The following DLGAP4 variants were observed in gnomAD, a reference collection of about 807,000 sequenced individuals.
DLGAP4 encodes disks large-associated protein 4.
Under a neutral mutation model 86.9 loss-of-function variants are expected in DLGAP4, and 18 were observed. The observed-to-expected ratio is 0.21, with a 90% CI of 0.14 to 0.31. The LOEUF is 0.31. Among genes scored for constraint, DLGAP4 ranks in the 10% least tolerant of loss-of-function variants. DLGAP4 has a pLI of 1.00. For missense variants in DLGAP4, 1,085 were observed against 1,362.6 expected, an observed-to-expected ratio of 0.80 and a Z score of 3.21; for synonymous variants, 548 against 574.3, an observed-to-expected ratio of 0.95 and a Z score of 0.65.
chr20:36,500,299 C>G lies in DLGAP4; in HGVS notation c.2200C>G (p.Pro734Ala). Residue 734 changes from proline (P) to alanine (A), a missense_variant, in exon 10 of 13, where the codon CCG becomes GCG. Transcript: ENST00000339266. The surrounding 1 kb of genome is among the most constrained non-coding windows in gnomAD (Gnocchi z 4.6). The stretch of plus-strand genomic sequence containing the variant: ...CTGTAAGTCATCTGAGAGGAGCCTC[C>G]CGGACTGTACCCCTCACCCCAACTC... ...SSCKSSERSL[P>A]DCTPHPNSIS... 1 of 1,613,984 alleles carries G rather than the reference C, an allele frequency of 6.2e-7. No individual in the cohort carries two copies. Among genetic ancestry groups the G allele is most frequent in the African/African-American group, 1.3e-5 (1 of 75,068 alleles).
rs144633923 is a variant in DLGAP4, at chr20:36,526,977, C to G, written c.2925C>G (p.Thr975=). ...RAASVRQNSA[T]ESADSIEIYV... ...CTTCTGTGCGGCAGAACTCAGCCAC[C>G]GAGAGCGCAGACAGCATCGAGATTT... Residue 975 remains threonine (T), a synonymous_variant, in exon 13 of 13, where the codon ACC becomes ACG. Coordinates refer to ENST00000339266, the MANE Select transcript of DLGAP4 (RefSeq NM_001365621.2). The G allele has an allele frequency of 2.0e-5, 33 of 1,613,564 alleles. No homozygotes were observed. The South Asian group carries it at 3.2e-4, about 16-fold the overall frequency.
rs989438384 is a variant in DLGAP4, at chr20:36,476,085, C to G, written c.1649-20620C>G. 1.3e-5 allele frequency among the ~76,000 whole-genome samples: 2 copies of G among 152,088 alleles called. 1 individual carries two copies. Among genetic ancestry groups the G allele is most frequent in the African/African-American group, 4.8e-5 (2 of 41,470 alleles). On this transcript the variant is annotated intron_variant, in intron 7 of 12. Coordinates refer to ENST00000339266, the MANE Select transcript of DLGAP4 (RefSeq NM_001365621.2). ...TGTTGGCCAGGCTGGTCTCAAACTC[C>G]TGAGCTCAGGTGATCCACCTGCCTT... is the stretch of plus-strand genomic sequence containing the variant.
At chr20:36,383,818 A>G (rs2031490011) in intron 2 of DLGAP4, among the ~76,000 whole-genome samples, 1 of 152,004 alleles carries the variant, frequency 6.6e-6, no homozygotes, top group Non-Finnish European at 1.5e-5. Context: ...TACTAAAAAT[A>G]CAAAAAATTA....
At position 36,527,048 on chromosome 20, in the gene DLGAP4, A is replaced by AGAAAC. The variant is rs1233576180; in HGVS notation, c.*20_*24dup. The AGAAAC allele has an allele frequency of 2.7e-5, 42 of 1,569,018 alleles. No individual in the cohort carries two copies. The highest frequency in any genetic ancestry group is 3.5e-5 in the Non-Finnish European group (40 of 1,158,572). On this transcript the variant is annotated 3_prime_UTR_variant, in exon 13 of 13. Transcript: ENST00000339266. ...AGGCTCTGAGACCATGCAGGAGGAA[A>AGAAAC]GAAACGATTTTAAATCATTAAAAAC...
intron 2 of DLGAP4, among the ~76,000 whole-genome samples, chr20:36,396,244 C>T (rs1239826074): frequency 1.3e-5 from 2 of 150,472 alleles, no homozygotes; most frequent in Non-Finnish European, 3.0e-5. Context: ...GTTACTTGAC[C>T]GGCTTGAGAC....
At chr20:36,329,877 A>G (rs2065250452) in intron 1 of DLGAP4, among the ~76,000 whole-genome samples, 1 of 152,206 alleles carries the variant, frequency 6.6e-6, no homozygotes, top group Non-Finnish European at 1.5e-5. Context: ...CTGAAAATAC[A>G]AAAATTAGCC....
At chr20:36,418,110 C>CGT (rs1205854857) in intron 2 of DLGAP4, among the ~76,000 whole-genome samples, 1 of 147,282 alleles carries the variant, frequency 6.8e-6, no homozygotes, top group Non-Finnish European at 1.5e-5. Flanking sequence ...TGTGTGCGCG[C>CGT]ATATGTGTGT....
intron 5 of DLGAP4, among the ~76,000 whole-genome samples, chr20:36,440,507 AC>A (rs2033417063): frequency 6.6e-6 from 1 of 151,934 alleles, no homozygotes. Context: ...TTTGCATGCC[AC>A]CCTCTCAACC....
chr20:36,345,744 C>T (rs919750966), intron 1 of DLGAP4, among the ~76,000 whole-genome samples: 3 of 152,076 alleles, frequency 2.0e-5, no homozygotes, highest in African/African-American at 4.8e-5. Flanking sequence ...TCAGGGGCTG[C>T]CTCCTCCTGA....
intron 2 of DLGAP4, among the ~76,000 whole-genome samples, chr20:36,408,439 T>A (rs886494900): frequency 6.6e-6 from 1 of 152,190 alleles, no homozygotes; most frequent in Non-Finnish European, 1.5e-5. Context: ...TGAGGGCTGC[T>A]TCCGCGGGCA....
Position 36,358,189 on chromosome 20 carries a change from C to T in DLGAP4, c.-303-8856C>T, listed in dbSNP as rs550207505. 3.7e-4 allele frequency among the ~76,000 whole-genome samples: 57 copies of T among 152,342 alleles called. No homozygotes were observed. In the Middle Eastern group the frequency reaches 0.017, roughly 45 times the overall value. On this transcript the variant is annotated intron_variant, in intron 1 of 12. Transcript: ENST00000339266. ...AAACCAGTCAAGGCCCGACCTCCCC[C>T]ATGGGGCCACAGTGAGGCACGCATG...
chr20:36,520,026 G>T (rs1455692502), intron 10 of DLGAP4, among the ~76,000 whole-genome samples: 1 of 151,188 alleles, frequency 6.6e-6, no homozygotes, highest in Non-Finnish European at 1.5e-5. Flanking sequence ...GAACTCCCAG[G>T]CTCAAGTGGT....
intron 7 of DLGAP4, chr20:36,462,137 C>A: frequency 9.8e-7 from 1 of 1,021,066 alleles, no homozygotes; most frequent in Non-Finnish European, 1.2e-6. Flanking sequence ...GGCTTTCCCT[C>A]TTCTGGGTGT....
intron 1 of DLGAP4, among the ~76,000 whole-genome samples, chr20:36,312,026 C>G (rs977233076): frequency 5.3e-5 from 8 of 152,162 alleles, no homozygotes; most frequent in Non-Finnish European, 1.2e-4. Flanking sequence ...AGCCTTGGGA[C>G]CACCCTTGGA....
At chr20:36,358,781 C>T (rs548401198) in intron 1 of DLGAP4, among the ~76,000 whole-genome samples, 3 of 152,070 alleles carry the variant, frequency 2.0e-5, no homozygotes, top group Non-Finnish European at 4.4e-5. Context: ...GCACTCCAGC[C>T]TGGGCAACAG....
intron 7 of DLGAP4, among the ~76,000 whole-genome samples, chr20:36,484,456 G>T (rs535507094): frequency 1.3e-5 from 2 of 152,372 alleles, no homozygotes; most frequent in African/African-American, 4.8e-5. Flanking sequence ...CTGGGGTGGG[G>T]TGGAGGCATT....
intron 7 of DLGAP4, among the ~76,000 whole-genome samples, chr20:36,468,031 T>G (rs2034495297): frequency 6.6e-6 from 1 of 152,234 alleles, no homozygotes; most frequent in Non-Finnish European, 1.5e-5. Flanking sequence ...CTTCTTTCCC[T>G]TTAATTAGGA....
intron 2 of DLGAP4, among the ~76,000 whole-genome samples, chr20:36,375,616 GCTGATCACTC>G (rs2031122963): frequency 6.6e-6 from 1 of 152,312 alleles, no homozygotes; most frequent in East Asian, 1.9e-4. Flanking sequence ...AGAGGTAAGT[GCTGATCACTC>G]AGGGATCTCT....
chr20:36,499,313 C>T (rs2036023591), intron 8 of DLGAP4: 3 of 1,613,736 alleles, frequency 1.9e-6, no homozygotes, highest in Non-Finnish European at 2.5e-6. Context: ...TGATGGCACC[C>T]TCCTCAGAGT....
Sources: allele counts gnomAD v4.1 joint callset (sites outside exome capture counted in the v4.1 genomes callset), GRCh38; gene constraint gnomAD v4.1.1; non-coding constraint Gnocchi (gnomAD v3.1); transcripts MANE v1.5; gene names NCBI Gene and HGNC (gene_info 2026-07-23, HGNC 2026-07-21).